The following GSPT1 variants were observed in gnomAD, a reference collection of about 807,000 sequenced individuals.
GSPT1 encodes eukaryotic peptide chain release factor GTP-binding subunit ERF3A.
GSPT1 carries 20 observed loss-of-function variants against 72.5 expected under a neutral mutation model. The ratio of observed to expected loss-of-function variants is 0.28; its 90% CI spans 0.19 to 0.40. The LOEUF is 0.40. Among genes scored for constraint, GSPT1 ranks in the 10% least tolerant of loss-of-function variants. GSPT1 has a pLI of 1.00. For missense variants in GSPT1, 580 were observed against 811.9 expected (o/e 0.71, Z 3.47); for synonymous variants, 334 against 293.5 (o/e 1.14, Z -1.41).
At chr16:11,909,807 C>T (rs964537191) in intron 1 of GSPT1, among the ~76,000 whole-genome samples, 7 of 152,144 alleles carry the variant, frequency 4.6e-5, no homozygotes, top group Non-Finnish European at 8.8e-5. Flanking sequence ...CACCTGTAAT[C>T]TCAGCTACTT....
At position 11,874,070 on chromosome 16, in the gene GSPT1, G is replaced by A. The variant is rs1042874986; in HGVS notation, c.1862-899C>T. On this transcript the variant is annotated intron_variant, in intron 14 of 14. Coordinates refer to ENST00000434724, the MANE Select transcript of GSPT1 (RefSeq NM_002094.4). Reference sequence around the variant, plus strand: ...CACATAATTTATAATTCTATTTATGGAGTGTCTATAAAAGACAAATTGAAA... The same window carrying A: ...CACATAATTTATAATTCTATTTATGAAGTGTCTATAAAAGACAAATTGAAA... Among the ~76,000 whole-genome samples the A allele has an allele frequency of 2.0e-5, 3 of 152,264 alleles. No individual in the cohort carries two copies. In the South Asian group the frequency reaches 6.2e-4, roughly 32 times the overall value.
rs770983649 is a variant in GSPT1, at chr16:11,886,635, TAACTC to T, written c.1113-29_1113-25del. On this transcript the variant is annotated intron_variant, in intron 8 of 14. Coordinates refer to ENST00000434724, the MANE Select transcript of GSPT1 (RefSeq NM_002094.4). ...ATCTGCAATTATAATGTAACCAAAA[TAACTC>T]AATTATAATGTAAACCAAGAACTCT... 6.3e-6 allele frequency: 10 copies of T among 1,589,440 alleles called. No homozygotes were observed. In the African/African-American group the frequency reaches 1.3e-4, roughly 21 times the overall value.
At chr16:11,890,364 T>C (rs2054243667) in intron 6 of GSPT1, among the ~76,000 whole-genome samples, 2 of 152,194 alleles carry the variant, frequency 1.3e-5, no homozygotes, top group Admixed American at 1.3e-4. Flanking sequence ...TAAAAATTGC[T>C]TCAATATCAC....
chr16:11,898,124 A>C (rs1052421311), intron 1 of GSPT1, 89 bp from the exon 2 acceptor site: 1 of 792,738 alleles, frequency 1.3e-6, no homozygotes, highest in East Asian at 2.7e-5. Context: ...CAGAAGTTCA[A>C]TAACACGACA....
intron 1 of GSPT1, among the ~76,000 whole-genome samples, chr16:11,909,843 T>C (rs1567452937): frequency 1.3e-5 from 2 of 152,106 alleles, no homozygotes; most frequent in Admixed American, 1.3e-4. Flanking sequence ...AACAATCGCT[T>C]GAACCTGGGG....
chr16:11,887,265 CA>C (rs1367129280), intron 7 of GSPT1, among the ~76,000 whole-genome samples: 1 of 152,074 alleles, frequency 6.6e-6, no homozygotes, highest in East Asian at 1.9e-4. Flanking sequence ...CCGTATGAAA[CA>C]GATGGTTTCC....
chr16:11,872,968 C>G lies in GSPT1; in HGVS notation c.*151G>C. The G allele has an allele frequency of 1.7e-6, 1 of 587,988 alleles. No homozygotes were observed. 36.4% of individuals were successfully genotyped at this position (587,988 alleles called of 1,614,324 possible). ...TAGCAGAGCTCTCAATATGAGAAAGCTGACATAATGTGGACTTTTGCTGTG... is the reference window on the plus strand; with the variant it reads ...TAGCAGAGCTCTCAATATGAGAAAGGTGACATAATGTGGACTTTTGCTGTG... On this transcript the variant is annotated 3_prime_UTR_variant, in exon 15 of 15. Coordinates refer to ENST00000434724, the MANE Select transcript of GSPT1 (RefSeq NM_002094.4).
At chr16:11,885,540 T>C (rs982749413) in intron 9 of GSPT1, among the ~76,000 whole-genome samples, 3 of 152,210 alleles carry the variant, frequency 2.0e-5, no homozygotes, top group African/African-American at 4.8e-5. Context: ...ACTATATTAC[T>C]TTTTATGGAC....
At chr16:11,914,465 G>A (rs2054601662) in intron 1 of GSPT1, among the ~76,000 whole-genome samples, 1 of 152,196 alleles carries the variant, frequency 6.6e-6, no homozygotes, top group African/African-American at 2.4e-5. Context: ...GAAAATGTAT[G>A]TCTACTAGCT....
rs774951922 is a variant in GSPT1, at chr16:11,886,943, A to G, written c.958-12T>C. The G allele has an allele frequency of 6.2e-7, 1 of 1,612,620 alleles. No individual in the cohort carries two copies. The highest frequency in any genetic ancestry group is 2.2e-5 in the East Asian group (1 of 44,846). On this transcript the variant is annotated splice_polypyrimidine_tract_variant and intron_variant, in intron 7 of 14. Transcript: ENST00000434724. ...CTGGCTGAGATTACCTAATTCCAAG[A>G]AAGGAAACAGTTTACTCCTTCGCCT... is the stretch of plus-strand genomic sequence containing the variant.
intron 1 of GSPT1, among the ~76,000 whole-genome samples, chr16:11,900,462 G>T (rs2054392433): frequency 1.3e-5 from 2 of 151,866 alleles, no homozygotes; most frequent in South Asian, 4.2e-4. Context: ...GTAGCAATTT[G>T]CTTTAACTAA....
chr16:11,887,021 G>GT (rs34304551), intron 7 of GSPT1, 90 bp from the exon 8 acceptor site: 208,699 of 539,986 alleles, frequency 0.39, 18,127 homozygotes, highest in African/African-American at 0.57. Context: ...TATATCACGA[G>GT]TTTTTTTTTT....
chr16:11,916,296 C>G (rs1242301307), upstream of GSPT1, among the ~76,000 whole-genome samples: 1 of 152,224 alleles, frequency 6.6e-6, no homozygotes, highest in Non-Finnish European at 1.5e-5. Flanking sequence ...GCGGCAGGCC[C>G]TGGTTGGTGC....
intron 14 of GSPT1, among the ~76,000 whole-genome samples, chr16:11,874,912 C>T (rs1035831094): frequency 3.9e-5 from 6 of 152,174 alleles, no homozygotes; most frequent in Admixed American, 6.5e-5. Flanking sequence ...AACAGCTGGG[C>T]CGGGCACGGT....
rs190951615 is a variant in GSPT1 at position 11,900,217 on chromosome 16, C to T, written c.353-2182G>A. Among the ~76,000 whole-genome samples, 14 of 151,934 alleles carry T rather than the reference C, an allele frequency of 9.2e-5. No individual in the cohort carries two copies. The East Asian group carries it at 2.7e-3, about 29-fold the overall frequency. Reference sequence around the variant, plus strand: ...TGGGTGTGGCATACACCTGTAATCCCAGCTACTCGGGAGGCCAAGGCAGGA... The same window carrying T: ...TGGGTGTGGCATACACCTGTAATCCTAGCTACTCGGGAGGCCAAGGCAGGA... On this transcript the variant is annotated intron_variant, in intron 1 of 14. Coordinates refer to ENST00000434724, the MANE Select transcript of GSPT1 (RefSeq NM_002094.4).
At chr16:11,885,616 G>A (rs531008480) in intron 9 of GSPT1, among the ~76,000 whole-genome samples, 4 of 152,250 alleles carry the variant, frequency 2.6e-5, no homozygotes, top group African/African-American at 7.2e-5. Context: ...TATTGGCTGC[G>A]TGCAGTGGCT....
At position 11,885,251 on chromosome 16, in the gene GSPT1, A is replaced by G; in HGVS notation, c.1277T>C (p.Leu426Pro). 6.3e-7 allele frequency: 1 copy of G among 1,578,108 alleles called. No individual in the cohort carries two copies. Residue 426 changes from leucine (L) to proline (P), a missense_variant, in exon 10 of 15, where the codon CTG (leucine) becomes CCG (proline). Transcript: ENST00000434724. ...TCTATTGAAGTTCGGCAAATTATCCAGATATGGAATAAACGGTAATCCACT... is the reference window on the plus strand; with the variant it reads ...TCTATTGAAGTTCGGCAAATTATCCGGATATGGAATAAACGGTAATCCACT... ...WYIGLPFIPY[L>P]DNLPNFNRSV...
In GSPT1 at chr16:11,868,801, G is replaced by A. The variant is rs1159385217; in HGVS notation, c.*4318C>T. On this transcript the variant is annotated 3_prime_UTR_variant, in exon 15 of 15. Transcript: ENST00000434724. ...CGTTTTAAAGGGCACAGTGGCAAAT[G>A]TGACAAGGCAGAAAACAATAACCAT... The A allele has an allele frequency of 6.6e-6, 1 of 152,196 alleles. No individual in the cohort carries two copies. Among genetic ancestry groups the A allele is most frequent in the Non-Finnish European group, 1.5e-5 (1 of 68,044 alleles). The allele number at this position is 152,196 out of a possible 1,614,324, so 9.4% of individuals were successfully genotyped here. A position where few individuals can be genotyped will look rare whatever the true frequency, so the allele number is the denominator to read the frequency against.
chr16:11,883,588 C>G (rs2054150552), intron 10 of GSPT1, among the ~76,000 whole-genome samples: 1 of 150,382 alleles, frequency 6.6e-6, no homozygotes, highest in South Asian at 2.1e-4. Flanking sequence ...CCACTCGACT[C>G]CAGCTTGGGT....
Sources: gnomAD v4.1 joint callset for allele counts (sites outside exome capture counted in the v4.1 genomes callset) on GRCh38, gnomAD v4.1.1 for gene constraint, MANE v1.5 for transcripts, NCBI Gene and HGNC (gene_info 2026-07-23, HGNC 2026-07-21) for gene names.